The following RPH3A variants were observed in gnomAD, a reference collection of about 807,000 sequenced individuals.
RPH3A encodes the protein rabphilin-3A.
In RPH3A, 48 loss-of-function variants were observed where a neutral mutation model predicts 102.2. The observed-to-expected ratio is 0.47, with a 90% CI of 0.37 to 0.60. The LOEUF (loss-of-function observed/expected upper bound fraction) is 0.60. Ranked by LOEUF, RPH3A falls within the 20% of genes least tolerant of loss-of-function variation. The probability of loss-of-function intolerance (pLI) is 0.00; values close to 1 mark genes in which losing one functional copy is unlikely to be tolerated. For synonymous variants in RPH3A, 310 were observed against 324.3 expected (o/e 0.96, Z 0.47); for missense variants, 781 against 910.1 (o/e 0.86, Z 1.83).
At chr12:112,785,453 A>G (rs2041042465) in intron 1 of RPH3A, among the ~76,000 whole-genome samples, 1 of 152,190 alleles carries the variant, frequency 6.6e-6, no homozygotes, top group Non-Finnish European at 1.5e-5. Flanking sequence ...CACTGAAAAA[A>G]TAAACATCCT....
intron 2 of RPH3A, among the ~76,000 whole-genome samples, chr12:112,811,751 A>G (rs1220951874): frequency 3.9e-5 from 6 of 152,226 alleles, no homozygotes; most frequent in African/African-American, 1.4e-4. Flanking sequence ...GGAATTCACA[A>G]ATAATGAGTA....
intron 1 of RPH3A, among the ~76,000 whole-genome samples, chr12:112,782,829 C>G (rs1403806480): frequency 3.9e-5 from 6 of 152,190 alleles, no homozygotes; most frequent in Non-Finnish European, 8.8e-5. Context: ...AGACACTTAG[C>G]TTGTTTCCAA....
rs563419606 is a variant in RPH3A at position 112,751,671 on chromosome 12, C to G, written c.-139-40472C>G. 9.9e-5 allele frequency among the ~76,000 whole-genome samples: 15 copies of G among 152,216 alleles called. No individual in the cohort carries two copies. The South Asian group carries it at 3.1e-3, about 32-fold the overall frequency. Reference sequence around the variant, plus strand: ...GTAGCTCATGCCTGTAATCCCAGCACTTTGGGAGGCTGATGCAGGAGGATT... The same window carrying G: ...GTAGCTCATGCCTGTAATCCCAGCAGTTTGGGAGGCTGATGCAGGAGGATT... On this transcript the variant is annotated intron_variant, in intron 1 of 21. Transcript: ENST00000543106.
At chr12:112,876,584 T>C in intron 12 of RPH3A, 58 bp from the exon 13 acceptor site, 2 of 1,246,332 alleles carry the variant, frequency 1.6e-6, no homozygotes, top group Non-Finnish European at 2.2e-6. Context: ...TGTCCCTAGG[T>C]GCTGCTGTTA....
chr12:112,868,175 A>AT lies in RPH3A; in HGVS notation c.445-251dup, dbSNP rs557504722. The AT allele has an allele frequency of 1.6e-3, 707 of 445,016 alleles. 3 individuals are homozygous for AT. The highest frequency in any genetic ancestry group is 0.012 in the African/African-American group (601 of 51,614). 27.6% of individuals were successfully genotyped at this position (445,016 alleles called of 1,614,324 possible). On this transcript the variant is annotated intron_variant, in intron 7 of 21. Coordinates refer to ENST00000389385, the MANE Select transcript of RPH3A (RefSeq NM_001143854.2). Reference sequence around the variant, plus strand: ...GTGTACTATTGGACCAGTCCTTAAGATTTTGGATATTCCCCTTTCTCCATC... The same window carrying AT: ...GTGTACTATTGGACCAGTCCTTAAGATTTTTGGATATTCCCCTTTCTCCATC...
At chr12:112,594,804 G>A (rs1170371636) in intron 1 of RPH3A, among the ~76,000 whole-genome samples, 1 of 152,138 alleles carries the variant, frequency 6.6e-6, no homozygotes, top group Admixed American at 6.6e-5. Context: ...ATGCTACTTT[G>A]TTATTATTGT....
At chr12:112,874,574 G>A (rs1404663974) in intron 10 of RPH3A, among the ~76,000 whole-genome samples, 1 of 152,138 alleles carries the variant, frequency 6.6e-6, no homozygotes, top group African/African-American at 2.4e-5. Context: ...CCAGCCCAGG[G>A]TCACACAGGC....
At chr12:112,762,789 C>T (rs574725880) in intron 1 of RPH3A, among the ~76,000 whole-genome samples, 4 of 152,132 alleles carry the variant, frequency 2.6e-5, no homozygotes, top group Non-Finnish European at 5.9e-5. Flanking sequence ...GTAGCAACAC[C>T]AGGAGAAAGA....
chr12:112,692,778 T>G (rs2040316503), intron 1 of RPH3A, among the ~76,000 whole-genome samples: 1 of 152,238 alleles, frequency 6.6e-6, no homozygotes, highest in South Asian at 2.1e-4. Context: ...ACAGTTTTTC[T>G]TTTGCCCCAT....
intron 1 of RPH3A, among the ~76,000 whole-genome samples, chr12:112,707,337 A>G (rs1227823582): frequency 6.6e-6 from 1 of 152,126 alleles, no homozygotes; most frequent in Non-Finnish European, 1.5e-5. Context: ...TTACCTAAAC[A>G]TTGACTATGA....
chr12:112,670,282 A>G (rs2040118177), intron 1 of RPH3A, among the ~76,000 whole-genome samples: 1 of 152,124 alleles, frequency 6.6e-6, no homozygotes. Flanking sequence ...TCCTGGGTTC[A>G]AGTGATTCTT....
intron 1 of RPH3A, among the ~76,000 whole-genome samples, chr12:112,599,765 T>C (rs1021240142): frequency 6.6e-6 from 1 of 152,114 alleles, no homozygotes; most frequent in Non-Finnish European, 1.5e-5. Context: ...CATCTCTAAC[T>C]GATATTAAAA....
intron 2 of RPH3A, among the ~76,000 whole-genome samples, chr12:112,821,466 T>A (rs2041778500): frequency 1.4e-5 from 2 of 145,254 alleles, no homozygotes; most frequent in African/African-American, 5.1e-5. Context: ...CTCCAACCAC[T>A]CTGTCTTCCT....
At chr12:112,731,130 A>C (rs2136048847) in intron 1 of RPH3A, among the ~76,000 whole-genome samples, 1 of 152,046 alleles carries the variant, frequency 6.6e-6, no homozygotes, top group South Asian at 2.1e-4. Flanking sequence ...AGGAGAATGA[A>C]GTGTTTTACA....
intron 1 of RPH3A, among the ~76,000 whole-genome samples, chr12:112,766,722 G>C (rs901049233): frequency 6.6e-6 from 1 of 152,208 alleles, no homozygotes; most frequent in South Asian, 2.1e-4. Flanking sequence ...TAGGCTCTCT[G>C]TGTCATCCTG....
At chr12:112,585,615 G>A (rs928879617) in intron 1 of RPH3A, among the ~76,000 whole-genome samples, 2 of 152,096 alleles carry the variant, frequency 1.3e-5, no homozygotes, top group Non-Finnish European at 2.9e-5. Flanking sequence ...CATGCCTGTA[G>A]TTCCAGCTAC....
At chr12:112,605,390 C>T (rs986279030) in intron 1 of RPH3A, among the ~76,000 whole-genome samples, 4 of 151,866 alleles carry the variant, frequency 2.6e-5, no homozygotes, top group African/African-American at 7.3e-5. Context: ...AACAAACAAA[C>T]AAACAAAAAA....
chr12:112,864,448 CAAA>C (rs11324677), intron 5 of RPH3A, among the ~76,000 whole-genome samples: 99 of 101,960 alleles, frequency 9.7e-4, no homozygotes, highest in Middle Eastern at 5.3e-3. Context: ...AAGACTCTGT[CAAA>C]AAAAAAAAAA....
rs546355386 is a variant in RPH3A, at chr12:112,655,602, G to T, written c.-140+80283G>T. ...TTTTTTTTTTTTTTGAGACAGTCTT[G>T]CTCTGTCACCCAGGCTGGAGTGCAG... On this transcript the variant is annotated intron_variant, in intron 1 of 21. Coordinates refer to the RPH3A transcript ENST00000543106. Among the ~76,000 whole-genome samples, 278 of 93,172 alleles carry T rather than the reference G, an allele frequency of 3.0e-3. 2 individuals carry two copies. The highest frequency in any genetic ancestry group is 0.029 in the Middle Eastern group (2 of 68). 61.1% of individuals were successfully genotyped at this position (93,172 alleles called of 152,430 possible).
Sources: allele counts gnomAD v4.1 joint callset (sites outside exome capture counted in the v4.1 genomes callset), GRCh38; gene constraint gnomAD v4.1.1; transcripts MANE v1.5; gene names NCBI Gene and HGNC (gene_info 2026-07-23, HGNC 2026-07-21).